HERC1: variants seen among roughly 807,000 people sequenced by gnomAD.
The protein encoded by HERC1 is HECT and RLD domain containing E3 ubiquitin protein ligase family member 1, also known as probable E3 ubiquitin-protein ligase HERC1.
Under a neutral mutation model 554.3 loss-of-function variants are expected in HERC1, and 160 were observed. That is an observed-to-expected ratio of 0.29 (90% CI 0.25 to 0.33). The LOEUF is 0.33. HERC1 is among the 10% of genes least tolerant of loss of function. The probability of loss-of-function intolerance (pLI) is 1.00; values close to 1 mark genes in which losing one functional copy is unlikely to be tolerated. For synonymous variants in HERC1, 2,175 were observed against 2,131.7 expected, an observed-to-expected ratio of 1.02 and a Z score of -0.56; for missense variants, 4,919 against 5,918.5, an observed-to-expected ratio of 0.83 and a Z score of 5.54.
chr15:63,720,320 T>C (rs910246893), intron 19 of HERC1, among the ~76,000 whole-genome samples: 1 of 151,908 alleles, frequency 6.6e-6, no homozygotes, highest in Non-Finnish European at 1.5e-5. Context: ...ACTTTAACAA[T>C]GTAGTATATT....
At position 63,645,665 on chromosome 15, in the gene HERC1, C is replaced by T. The variant is rs1407184850; in HGVS notation, c.10896G>A (p.Met3632Ile). Reference sequence around the variant, plus strand: ...GAATATGACCTGTAGGGTCCCACTTCATGCTAATAAGAGTATCCTTAAAAT... The same window carrying T: ...GAATATGACCTGTAGGGTCCCACTTTATGCTAATAAGAGTATCCTTAAAAT... ...IDAHKDTLISMKWDPTGHILM... is the reference protein window; with the variant it reads ...IDAHKDTLISIKWDPTGHILM... The change falls in exon 56 of 78, where the codon ATG becomes ATA. Residue 3632 changes from methionine (M) to isoleucine (I), a missense_variant. Physicochemically the swap from Met to Ile is conservative, Grantham distance 10. Around this residue, in one of 11 missense-constraint regions of HERC1, gnomAD observed 1,963 missense variants for 2,228.6 expected, o/e 0.88. Coordinates refer to ENST00000443617, the MANE Select transcript of HERC1 (RefSeq NM_003922.4). 2.5e-6 allele frequency: 4 copies of T among 1,587,528 alleles called. No homozygotes were observed. Among genetic ancestry groups the T allele is most frequent in the Admixed American group, 3.7e-5 (2 of 54,428 alleles).
chr15:63,718,435 T>C lies in HERC1; in HGVS notation c.3978+139A>G, dbSNP rs1004135853. ...TCTCAAATCTTTTCCTTTTTTTTTT[T>C]CTGCTAGGAAAAGAACTACTCAACA... On this transcript the variant is annotated intron_variant, in intron 21 of 77. Coordinates refer to ENST00000443617, the MANE Select transcript of HERC1 (RefSeq NM_003922.4). This position sits in a 1 kb window ranked among gnomAD's most constrained non-coding sequence, Gnocchi z 4.2. 1.4e-5 allele frequency: 10 copies of C among 709,148 alleles called. No homozygotes were observed. The highest frequency in any genetic ancestry group is 8.9e-5 in the East Asian group (3 of 33,580). 43.9% of individuals were successfully genotyped at this position (709,148 alleles called of 1,614,324 possible).
chr15:63,624,098 T>C, intron 72 of HERC1, 60 bp downstream of exon 72: 1 of 1,456,518 alleles, frequency 6.9e-7, no homozygotes, highest in East Asian at 2.3e-5. Flanking sequence ...CAGAAATTAG[T>C]AATAACATCC....
At position 63,612,410 on chromosome 15, in the gene HERC1, C is replaced by T. The variant is rs569620212; in HGVS notation, c.14241G>A (p.Val4747=). 49 of 1,614,058 alleles carry T rather than the reference C, an allele frequency of 3.0e-5. 1 individual carries two copies. In the Admixed American group the frequency reaches 5.2e-4, roughly 17 times the overall value. ...ACTGCACCAGCTGATGCTGCTCATCCACCTCACGGTACCGCACCACTTTCT... is the reference window on the plus strand; with the variant it reads ...ACTGCACCAGCTGATGCTGCTCATCTACCTCACGGTACCGCACCACTTTCT... ...VLKKVVRYRE[V]DEQHQLVQWF... Residue 4747 remains valine, a synonymous_variant, in exon 77 of 78, where the codon GTG becomes GTA. Coordinates refer to ENST00000443617, the MANE Select transcript of HERC1 (RefSeq NM_003922.4). This position sits in a 1 kb window ranked among gnomAD's most constrained non-coding sequence, Gnocchi z 5.0.
chr15:63,631,066 C>T (rs1175324000), intron 68 of HERC1, among the ~76,000 whole-genome samples: 2 of 152,190 alleles, frequency 1.3e-5, no homozygotes, highest in Non-Finnish European at 2.9e-5. Context: ...GCAGCCTCAA[C>T]CTGTCGGGTT....
chr15:63,654,359 C>A (rs765012603), intron 50 of HERC1, 35 bp from the exon 51 acceptor site: 2 of 1,507,904 alleles, frequency 1.3e-6, no homozygotes, highest in Non-Finnish European at 1.8e-6. Flanking sequence ...GATGGGCATA[C>A]AATTGGGCAA....
chr15:63,698,966 C>A lies in HERC1; in HGVS notation c.4667G>T (p.Ser1556Ile), dbSNP rs760642659. The A allele has an allele frequency of 8.7e-6, 14 of 1,613,232 alleles. No homozygotes were observed. The highest frequency in any genetic ancestry group is 6.7e-5 in the African/African-American group (5 of 74,918). ...ATGTTTCAGGCGAGCCCAAGAGTCA[C>A]TCAGGGATTCCAATTGACTGTGCAT... ...GPMHSQLESL[S>I]DSWARLKHSR... Residue 1556 changes from serine to isoleucine, a missense_variant, in exon 26 of 78, where the codon AGT becomes ATT. This residue lies in a region of HERC1 where 1,121 missense variants were observed against 1,244.0 expected (regional missense o/e 0.90). Coordinates refer to ENST00000443617, the MANE Select transcript of HERC1 (RefSeq NM_003922.4).
chr15:63,736,204 T>C (rs1321035172), intron 12 of HERC1, among the ~76,000 whole-genome samples: 1 of 152,194 alleles, frequency 6.6e-6, no homozygotes, highest in Non-Finnish European at 1.5e-5. Flanking sequence ...TACTGTAGAA[T>C]TCCTAGAGGC....
At position 63,661,768 on chromosome 15, in the gene HERC1, G is replaced by A. The variant is rs2070372488; in HGVS notation, c.9155C>T (p.Ser3052Leu). 1 of 1,613,918 alleles carries A rather than the reference G, an allele frequency of 6.2e-7. No individual in the cohort carries two copies. The highest frequency in any genetic ancestry group is 8.5e-7 in the Non-Finnish European group (1 of 1,179,848). Residue 3052 changes from serine (S) to leucine (L), a missense_variant, in exon 45 of 78, where the codon TCA (serine) becomes TTA (leucine). Coordinates refer to ENST00000443617, the MANE Select transcript of HERC1 (RefSeq NM_003922.4). ...KYLAMKTKSK[S>L]TSSERYKGQA... is the part of the protein sequence containing the mutation. ...TTCAAGGTACCTTTCAGAACTTGTT[G>A]ACTTAGATTTGGTCTTCATGGCTAA...
chr15:63,720,103 C>CTTTTTTTTTTTTTTT (rs573648232), intron 19 of HERC1, among the ~76,000 whole-genome samples: 1,380 of 71,504 alleles, frequency 0.019, 336 homozygotes, highest in African/African-American at 0.068. Flanking sequence ...TTTTTCTTCC[C>CTTTTTTTTTTTTTTT]TTTTTTTTTT....
chr15:63,657,379 T>C (rs954171650), intron 48 of HERC1, among the ~76,000 whole-genome samples: 1 of 151,716 alleles, frequency 6.6e-6, no homozygotes, highest in Admixed American at 6.6e-5. Flanking sequence ...TTAATTTTCA[T>C]TTCTCTGAAG....
chr15:63,778,327 A>G (rs573744485), intron 1 of HERC1, among the ~76,000 whole-genome samples: 33 of 152,366 alleles, frequency 2.2e-4, no homozygotes, highest in Non-Finnish European at 4.6e-4. Context: ...ACCGTATCTG[A>G]AAACACTGGA....
intron 71 of HERC1, among the ~76,000 whole-genome samples, chr15:63,625,222 G>A (rs766018425): frequency 5.3e-5 from 8 of 152,034 alleles, no homozygotes; most frequent in Non-Finnish European, 1.0e-4. Context: ...TTATTTCCCC[G>A]ACCTCCCTTT....
chr15:63,753,906 G>A (rs1432221429), intron 7 of HERC1, among the ~76,000 whole-genome samples: 5 of 152,150 alleles, frequency 3.3e-5, no homozygotes, highest in African/African-American at 1.2e-4. Context: ...GGGCACGGAG[G>A]TTCATGCCTG....
In HERC1 at chr15:63,649,857, C is replaced by T. The variant is rs2152882462; in HGVS notation, c.10615G>A (p.Ala3539Thr). ...SALAWPEEGP[A>T]TAWSGESPEL... ...GGAGACTCTCCTGACCAGGCTGTAG[C>T]CGGACCCTCTTCTGGCCAAGCCAGG... Residue 3539 changes from alanine (A) to threonine (T), a missense_variant, in exon 54 of 78, where the codon GCT becomes ACT. Physicochemically the swap from Ala to Thr is moderately conservative, Grantham distance 58. Coordinates refer to ENST00000443617, the MANE Select transcript of HERC1 (RefSeq NM_003922.4). 6.2e-7 allele frequency: 1 copy of T among 1,613,030 alleles called. No homozygotes were observed. The highest frequency in any genetic ancestry group is 8.5e-7 in the Non-Finnish European group (1 of 1,179,500).
At chr15:63,813,208 C>T (rs1171841986) in intron 1 of HERC1, among the ~76,000 whole-genome samples, 1 of 152,050 alleles carries the variant, frequency 6.6e-6, no homozygotes, top group East Asian at 1.9e-4. Flanking sequence ...AAAGAATCTA[C>T]AGGTGGTTTC....
At position 63,677,709 on chromosome 15, in the gene HERC1, T is replaced by A. The variant is rs1417147654; in HGVS notation, c.7070+136A>T. On this transcript the variant is annotated intron_variant, in intron 37 of 77. Coordinates refer to ENST00000443617, the MANE Select transcript of HERC1 (RefSeq NM_003922.4). The surrounding 1 kb of genome is among the most constrained non-coding windows in gnomAD (Gnocchi z 4.4). ...CCTTTAAGAAATTACAGTAGAAACATCTAGCTGCATGAGAAATATTTTTAA... is the reference window on the plus strand; with the variant it reads ...CCTTTAAGAAATTACAGTAGAAACAACTAGCTGCATGAGAAATATTTTTAA... The A allele has an allele frequency of 7.1e-7, 1 of 1,412,022 alleles. No individual in the cohort carries two copies. Among genetic ancestry groups the A allele is most frequent in the Non-Finnish European group, 9.5e-7 (1 of 1,056,562 alleles). The allele number at this position is 1,412,022 out of a possible 1,614,324, so 87.5% of individuals were successfully genotyped here.
intron 8 of HERC1, among the ~76,000 whole-genome samples, chr15:63,751,425 A>C (rs1039627737): frequency 6.6e-6 from 1 of 152,214 alleles, no homozygotes; most frequent in African/African-American, 2.4e-5. Flanking sequence ...AAATGGCCTA[A>C]TAACACATTT....
Position 63,684,853 on chromosome 15 carries a change from T to TA in HERC1, c.6225+1505dup, listed in dbSNP as rs756391097. Among the ~76,000 whole-genome samples, 54 of 152,018 alleles carry TA rather than the reference T, an allele frequency of 3.6e-4. No homozygotes were observed. The Middle Eastern group carries it at 0.01, about 29-fold the overall frequency. On this transcript the variant is annotated intron_variant, in intron 34 of 77. Transcript: ENST00000443617. Reference sequence around the variant, plus strand: ...CAAAACCCTATCTCTACTAAAAATATAAAAAATTAGCCAGGCGTGGTGGCA... The same window carrying TA: ...CAAAACCCTATCTCTACTAAAAATATAAAAAAATTAGCCAGGCGTGGTGGCA...
Sources: allele counts gnomAD v4.1 joint callset (sites outside exome capture counted in the v4.1 genomes callset), GRCh38; gene constraint gnomAD v4.1.1; regional missense constraint gnomAD v4.1.1; non-coding constraint Gnocchi (gnomAD v3.1); transcripts MANE v1.5; gene names NCBI Gene and HGNC (gene_info 2026-07-23, HGNC 2026-07-21).